The following CDH8 variants were observed in gnomAD, a reference collection of about 807,000 sequenced individuals.
CDH8 encodes cadherin-8.
Under a neutral mutation model 68.1 loss-of-function variants are expected in CDH8, and 17 were observed. The observed-to-expected ratio is 0.25, with a 90% CI of 0.17 to 0.37. The LOEUF (loss-of-function observed/expected upper bound fraction) is 0.37, where lower values mean the gene tolerates loss of function less well. CDH8 is among the 10% of genes least tolerant of loss of function. CDH8 has a pLI of 1.00. For synonymous variants in CDH8, 372 were observed against 365.1 expected, an observed-to-expected ratio of 1.02 and a Z score of -0.21; for missense variants, 763 against 999.3, an observed-to-expected ratio of 0.76 and a Z score of 3.19.
chr16:61,666,229 G>A (rs62049440), intron 10 of CDH8, among the ~76,000 whole-genome samples: 20,312 of 150,090 alleles, frequency 0.14, 1,547 homozygotes, highest in African/African-American at 0.2. Flanking sequence ...TATGTATATG[G>A]TTTGGTATTA....
Position 61,653,025 on chromosome 16 carries a change from C to T in CDH8, c.*583G>A, listed in dbSNP as rs1963359225. On this transcript the variant is annotated 3_prime_UTR_variant, in exon 12 of 12. Transcript: ENST00000577390. ...CGACACAATATTTAAAGATGCTATTCAGTCTCTAGTGAGTGGGGCCAACAA... is the reference window on the plus strand; with the variant it reads ...CGACACAATATTTAAAGATGCTATTTAGTCTCTAGTGAGTGGGGCCAACAA... 7.0e-7 allele frequency: 1 copy of T among 1,427,432 alleles called. No homozygotes were observed. 88.4% of individuals were successfully genotyped at this position (1,427,432 alleles called of 1,614,324 possible).
At chr16:61,834,276 G>A (rs1204674172) in intron 4 of CDH8, among the ~76,000 whole-genome samples, 1 of 151,816 alleles carries the variant, frequency 6.6e-6, no homozygotes, top group African/African-American at 2.4e-5. Flanking sequence ...TGTCTGGTGG[G>A]AGGGTGGGGG....
At chr16:61,765,464 C>T (rs895033149) in intron 8 of CDH8, among the ~76,000 whole-genome samples, 2 of 151,914 alleles carry the variant, frequency 1.3e-5, no homozygotes, top group Admixed American at 6.6e-5. Context: ...AGCTTTACCC[C>T]ACATCTGTTG....
rs372108810 is a variant in CDH8 at position 61,751,280 on chromosome 16, G to A, written c.1415-24065C>T. On this transcript the variant is annotated intron_variant, in intron 8 of 11. Transcript: ENST00000577390. Reference sequence around the variant, plus strand: ...TCAATTTTAGCTTGATATAGACATAGACACCGTGAAAGTGGAATTACATAC... The same window carrying A: ...TCAATTTTAGCTTGATATAGACATAAACACCGTGAAAGTGGAATTACATAC... Among the ~76,000 whole-genome samples the A allele has an allele frequency of 1.0e-4, 15 of 145,606 alleles. No homozygotes were observed. In the South Asian group the frequency reaches 3.3e-3, roughly 32 times the overall value.
Position 61,789,501 on chromosome 16 carries a change from T to C in CDH8, c.1278-19A>G, listed in dbSNP as rs370503343. The stretch of plus-strand genomic sequence containing the variant: ...GGAAAACCTACAAAACAGACACATC[T>C]GTAATCTACTTCAATGTTTATATGA... On this transcript the variant is annotated intron_variant, in intron 7 of 11. Coordinates refer to ENST00000577390, the MANE Select transcript of CDH8 (RefSeq NM_001796.5). The C allele has an allele frequency of 1.9e-6, 3 of 1,610,154 alleles. No individual in the cohort carries two copies. The African/African-American group carries it at 4.0e-5, about 22-fold the overall frequency.
chr16:61,942,546 G>T (rs6498814), intron 2 of CDH8, among the ~76,000 whole-genome samples: 6,161 of 151,924 alleles, frequency 0.041, 431 homozygotes, highest in African/African-American at 0.14. Flanking sequence ...GAGAGGAAAC[G>T]GGCTAAGCTC....
intron 11 of CDH8, 81 bp from the exon 12 acceptor site, chr16:61,654,182 G>C: frequency 1.5e-6 from 2 of 1,330,750 alleles, no homozygotes; most frequent in Non-Finnish European, 2.1e-6. Context: ...TTAGGAGAGA[G>C]GGGTATTTTT....
chr16:61,814,922 T>G (rs1331314821), intron 7 of CDH8, among the ~76,000 whole-genome samples: 1 of 152,126 alleles, frequency 6.6e-6, no homozygotes, highest in East Asian at 1.9e-4. Context: ...GAACAGATGT[T>G]GAAAAATATG....
chr16:61,855,636 A>G (rs188798390), intron 4 of CDH8, among the ~76,000 whole-genome samples: 1 of 152,332 alleles, frequency 6.6e-6, no homozygotes, highest in East Asian at 1.9e-4. Context: ...CAAATGGCCA[A>G]GAAGAGAACA....
intron 10 of CDH8, among the ~76,000 whole-genome samples, chr16:61,668,276 C>T (rs1336101954): frequency 6.6e-6 from 1 of 151,838 alleles, no homozygotes; most frequent in African/African-American, 2.4e-5. Flanking sequence ...ATCACAGAAT[C>T]CAAGTTGCAT....
chr16:61,685,819 T>C (rs1036975564), intron 10 of CDH8, among the ~76,000 whole-genome samples: 1 of 151,942 alleles, frequency 6.6e-6, no homozygotes, highest in African/African-American at 2.4e-5. Flanking sequence ...AGAAGATGAT[T>C]GTCAGGTTTT....
In CDH8 at chr16:61,656,974, C is replaced by G. The variant is rs141986160; in HGVS notation, c.1655-1253G>C. ...CTCAAAATGGAAATGCTGATTAACT[C>G]TCACTGATATTACAGCCAAAAGCAA... On this transcript the variant is annotated intron_variant, in intron 10 of 11. Coordinates refer to ENST00000577390, the MANE Select transcript of CDH8 (RefSeq NM_001796.5). Among the ~76,000 whole-genome samples, 90 of 152,120 alleles carry G rather than the reference C, an allele frequency of 5.9e-4. 1 individual carries two copies. Among genetic ancestry groups the G allele is most frequent in the African/African-American group, 2.0e-3 (83 of 41,536 alleles).
rs1470098612 is a variant in CDH8 at position 61,960,249 on chromosome 16, G to A, written c.253-58776C>T. ...TACACACATATATACATGTGTGTGT[G>A]TATACACATACATATATACGTGTGT... On this transcript the variant is annotated intron_variant, in intron 2 of 11. Transcript: ENST00000577390. Among the ~76,000 whole-genome samples, 17 of 88,738 alleles carry A rather than the reference G, an allele frequency of 1.9e-4. 5 individuals are homozygous for A. The highest frequency in any genetic ancestry group is 1.7e-3 in the Admixed American group (16 of 9,226). The allele number at this position is 88,738 out of a possible 152,430, so 58.2% of individuals were successfully genotyped here.
chr16:62,020,664 G>C (rs1391777972), intron 2 of CDH8, among the ~76,000 whole-genome samples: 1 of 151,856 alleles, frequency 6.6e-6, no homozygotes, highest in African/African-American at 2.4e-5. Flanking sequence ...CTCCATCCTA[G>C]GTCAATTATT....
chr16:61,654,165 A>G lies in CDH8; in HGVS notation c.1907-64T>C, dbSNP rs955515788. ...CATATAATTTCACAAGCAACACACT[A>G]TATATGTTAGGAGAGAGGGGTATTT... On this transcript the variant is annotated intron_variant, in intron 11 of 11. Transcript: ENST00000577390. The G allele has an allele frequency of 2.5e-5, 37 of 1,464,092 alleles. No individual in the cohort carries two copies. In the African/African-American group the frequency reaches 3.1e-4, roughly 12 times the overall value. The allele number at this position is 1,464,092 out of a possible 1,614,324, so 90.7% of individuals were successfully genotyped here.
intron 9 of CDH8, among the ~76,000 whole-genome samples, chr16:61,724,355 T>C (rs1222664077): frequency 6.6e-6 from 1 of 150,816 alleles, no homozygotes; most frequent in African/African-American, 2.4e-5. Flanking sequence ...TTTAGATGAG[T>C]TCAATTCAGT....
chr16:62,030,068 G>T (rs1902289173), intron 1 of CDH8, among the ~76,000 whole-genome samples: 2 of 152,132 alleles, frequency 1.3e-5, no homozygotes, highest in Admixed American at 6.5e-5. Flanking sequence ...GCTTACAAGT[G>T]CACCTTACTG....
rs894593670 is a variant in CDH8 at position 61,649,427 on chromosome 16, T to C, written c.*4181A>G. On this transcript the variant is annotated 3_prime_UTR_variant, in exon 12 of 12. Transcript: ENST00000577390. ...GTATATATGTGCATATTTATATATA[T>C]GAATATATTTATAAATATATGTATA... 6.6e-6 allele frequency: 1 copy of C among 151,006 alleles called. No homozygotes were observed. The highest frequency in any genetic ancestry group is 6.6e-5 in the Admixed American group (1 of 15,046). 9.4% of individuals were successfully genotyped at this position (151,006 alleles called of 1,614,324 possible). A position where few individuals can be genotyped will look rare whatever the true frequency, so the allele number is the denominator to read the frequency against.
chr16:61,762,557 G>T (rs1027673123), intron 8 of CDH8, among the ~76,000 whole-genome samples: 3 of 152,134 alleles, frequency 2.0e-5, no homozygotes, highest in Non-Finnish European at 2.9e-5. Context: ...CTACACTGCA[G>T]TATGAGTGTT....
Sources: gnomAD v4.1 joint callset for allele counts (sites outside exome capture counted in the v4.1 genomes callset) on GRCh38, gnomAD v4.1.1 for gene constraint, MANE v1.5 for transcripts, NCBI Gene and HGNC (gene_info 2026-07-23, HGNC 2026-07-21) for gene names.